BUD13: variants seen among roughly 807,000 people sequenced by gnomAD.
The protein encoded by BUD13 is BUD13 spliceosome associated protein, also known as BUD13 homolog.
A neutral mutation model predicts 62.5 loss-of-function variants in BUD13; 47 were observed. The observed-to-expected ratio is 0.75, with a 90% CI of 0.60 to 0.96. BUD13 has a LOEUF of 0.96. Among genes scored for constraint, BUD13 ranks in the 40% least tolerant of loss-of-function variants. BUD13 has a pLI of 0.00. For missense variants in BUD13, 821 were observed against 790.9 expected (o/e 1.04, Z -0.46); for synonymous variants, 293 against 280.1 (o/e 1.05, Z -0.46).
At chr11:116,757,429 G>A (rs527504782) in intron 8 of BUD13, among the ~76,000 whole-genome samples, 22 of 151,816 alleles carry the variant, frequency 1.4e-4, no homozygotes, top group East Asian at 1.2e-3. Flanking sequence ...CCAACTAGCC[G>A]GGATTACAGG....
intron 3 of BUD13, among the ~76,000 whole-genome samples, chr11:116,763,946 CACA>C (rs1940484407): frequency 6.6e-6 from 1 of 152,180 alleles, no homozygotes; most frequent in Non-Finnish European, 1.5e-5. Context: ...ATTCAATTCT[CACA>C]ACAAGCCTAG....
intron 2 of BUD13, 72 bp from the exon 3 acceptor site, chr11:116,765,518 GAAGTTAC>G (rs1483981989): frequency 7.1e-6 from 11 of 1,539,086 alleles, no homozygotes; most frequent in African/African-American, 1.4e-5. Flanking sequence ...TCAAGAACCT[GAAGTTAC>G]AACCATTCCG....
At chr11:116,752,088 C>T (rs779837455) in intron 9 of BUD13, among the ~76,000 whole-genome samples, 10 of 152,132 alleles carry the variant, frequency 6.6e-5, no homozygotes, top group Admixed American at 4.6e-4. Context: ...GGACTACAGG[C>T]GCCCGCCACC....
rs1386273879 is a variant in BUD13, at chr11:116,748,667, G to T, written c.1767-92C>A. The T allele has an allele frequency of 1.2e-5, 16 of 1,285,162 alleles. 1 individual carries two copies. In the South Asian group the frequency reaches 1.7e-4, roughly 14 times the overall value. 79.6% of individuals were successfully genotyped at this position (1,285,162 alleles called of 1,614,324 possible). A position where few individuals can be genotyped will look rare whatever the true frequency, so the allele number is the denominator to read the frequency against. ...GAAGAGTTCACAATATAATGAAAAG[G>T]GGGGAAAGTAAGGAGTCATATGAAA... On this transcript the variant is annotated intron_variant, in intron 9 of 9. Coordinates refer to ENST00000260210, the MANE Select transcript of BUD13 (RefSeq NM_032725.4).
chr11:116,763,032 T>A lies in BUD13; in HGVS notation c.557A>T (p.Asp186Val). Reference sequence around the variant, plus strand: ...ACGGGCCCTCCTTGGGGGTGAAGTGTCTGAGGAGTCATGACGGATCCTCCT... The same window carrying A: ...ACGGGCCCTCCTTGGGGGTGAAGTGACTGAGGAGTCATGACGGATCCTCCT... ...PPRRIRHDSS[D>V]TSPPRRARHD... Residue 186 changes from aspartate to valine, a missense_variant, in exon 4 of 10, where the codon GAC (aspartate) becomes GTC (valine). This residue lies in a region of BUD13 where 800 missense variants were observed against 739.2 expected (regional missense o/e 1.08). Coordinates refer to ENST00000260210, the MANE Select transcript of BUD13 (RefSeq NM_032725.4). The A allele has an allele frequency of 6.2e-7, 1 of 1,612,180 alleles. No individual in the cohort carries two copies.
chr11:116,761,411 A>G (rs1940430396), intron 4 of BUD13, among the ~76,000 whole-genome samples: 2 of 102,572 alleles, frequency 1.9e-5, no homozygotes, highest in Non-Finnish European at 4.8e-5. Context: ...CTAATGTACA[A>G]TATTTATTTA....
At chr11:116,770,833 G>A (rs1940614861) in intron 1 of BUD13, among the ~76,000 whole-genome samples, 1 of 151,836 alleles carries the variant, frequency 6.6e-6, no homozygotes, top group African/African-American at 2.4e-5. Context: ...TCACACTGCT[G>A]CCCAGGCTGG....
At position 116,760,958 on chromosome 11, in the gene BUD13, T is replaced by C. The variant is rs368705815; in HGVS notation, c.1037-6A>G. On this transcript the variant is annotated splice_region_variant and splice_polypyrimidine_tract_variant and intron_variant, in intron 4 of 9. Coordinates refer to ENST00000260210, the MANE Select transcript of BUD13 (RefSeq NM_032725.4). ...AGTTGCTTTCTGGCAGTCACCTGGATAGGAGCAAAGAATCTGTGTGACTCT... is the reference window on the plus strand; with the variant it reads ...AGTTGCTTTCTGGCAGTCACCTGGACAGGAGCAAAGAATCTGTGTGACTCT... The C allele has an allele frequency of 1.1e-4, 176 of 1,613,258 alleles. No homozygotes were observed. The Middle Eastern group carries it at 1.2e-3, about 11-fold the overall frequency.
intron 8 of BUD13, 26 bp downstream of exon 8, chr11:116,757,740 C>A: frequency 6.3e-7 from 1 of 1,597,554 alleles, no homozygotes; most frequent in East Asian, 2.2e-5. Flanking sequence ...AAGTCACCTC[C>A]AGCTGATGAT....
chr11:116,757,120 A>G (rs1379931139), intron 9 of BUD13, 26 bp downstream of exon 9: 5 of 1,607,532 alleles, frequency 3.1e-6, no homozygotes, highest in African/African-American at 2.7e-5. Flanking sequence ...AGTCAGGTAG[A>G]AAATGTAAGA....
intron 9 of BUD13, among the ~76,000 whole-genome samples, chr11:116,753,320 A>G (rs1462094933): frequency 6.6e-6 from 1 of 152,080 alleles, no homozygotes; most frequent in Non-Finnish European, 1.5e-5. Context: ...CTACATACAA[A>G]CCCTAGTCAA....
At chr11:116,756,838 A>G (rs748000715) in intron 9 of BUD13, among the ~76,000 whole-genome samples, 4 of 152,220 alleles carry the variant, frequency 2.6e-5, no homozygotes, top group Non-Finnish European at 5.9e-5. Context: ...ACTACAACTC[A>G]TCACTCAACC....
intron 5 of BUD13, among the ~76,000 whole-genome samples, chr11:116,760,457 A>T (rs1820775599): frequency 6.6e-6 from 1 of 152,224 alleles, no homozygotes; most frequent in Admixed American, 6.5e-5. Context: ...TTCCTAAGAA[A>T]ATAGGAAGTT....
rs1555046551 is a variant in BUD13 at position 116,759,031 on chromosome 11, A to AC, written c.1360+42dup. The AC allele has an allele frequency of 7.7e-4, 1,088 of 1,410,426 alleles. No individual in the cohort carries two copies. In the East Asian group the frequency reaches 8.8e-3, roughly 11 times the overall value. 87.4% of individuals were successfully genotyped at this position (1,410,426 alleles called of 1,614,324 possible). A position where few individuals can be genotyped will look rare whatever the true frequency, so the allele number is the denominator to read the frequency against. On this transcript the variant is annotated intron_variant, in intron 6 of 9. Coordinates refer to ENST00000260210, the MANE Select transcript of BUD13 (RefSeq NM_032725.4). ...AATAAGCTAAATTAAAAAAAAAAAA[A>AC]CAGTATGAGCCTAAATTGGTCTCTG...
At chr11:116,757,003 T>G in intron 9 of BUD13, 143 bp downstream of exon 9, 1 of 700,344 alleles carries the variant, frequency 1.4e-6, no homozygotes, top group East Asian at 2.8e-5. Context: ...ATAGGATTTG[T>G]GGACCTCAGA....
intron 2 of BUD13, among the ~76,000 whole-genome samples, chr11:116,769,281 G>A (rs1287415751): frequency 1.3e-5 from 2 of 152,058 alleles, no homozygotes; most frequent in Admixed American, 6.5e-5. Flanking sequence ...CTACCTCCCC[G>A]GGCTCTAATG....
rs761575761 is a variant in BUD13, at chr11:116,760,972, CTG to C, written c.1037-22_1037-21del. ...AGTCACCTGGATAGGAGCAAAGAAT[CTG>C]TGTGACTCTGATGTCCTCTAGGTGA... On this transcript the variant is annotated intron_variant, in intron 4 of 9. Coordinates refer to ENST00000260210, the MANE Select transcript of BUD13 (RefSeq NM_032725.4). 15 of 1,603,920 alleles carry C rather than the reference CTG, an allele frequency of 9.4e-6. No individual in the cohort carries two copies. The highest frequency in any genetic ancestry group is 1.7e-5 in the Admixed American group (1 of 59,934).
Position 116,760,914 on chromosome 11 carries a change from G to A in BUD13, c.1075C>T (p.Pro359Ser). ...TGCCCTGGACTTTGTTTATGCCGTG[G>A]AGAAGAAAGGTCTGAATCAGTTGCT... ...QKATDSDLSS[P>S]RHKQSPGHQD... is the part of the protein sequence containing the mutation. The change falls in exon 5 of 10, where the codon CCA becomes TCA. Residue 359 changes from proline (P) to serine (S), a missense_variant. Physicochemically the swap from Pro to Ser is moderately conservative, Grantham distance 74. Coordinates refer to ENST00000260210, the MANE Select transcript of BUD13 (RefSeq NM_032725.4). 1 of 1,614,102 alleles carries A rather than the reference G, an allele frequency of 6.2e-7. No homozygotes were observed. The highest frequency in any genetic ancestry group is 8.5e-7 in the Non-Finnish European group (1 of 1,180,010).
At chr11:116,772,687 C>T (rs1940652253) in intron 1 of BUD13, 135 bp downstream of exon 1, 1 of 1,245,486 alleles carries the variant, frequency 8.0e-7, no homozygotes, top group Admixed American at 3.4e-5. Flanking sequence ...GTGAGTGGGG[C>T]CCTGAGCATG....
Sources: allele counts gnomAD v4.1 joint callset (sites outside exome capture counted in the v4.1 genomes callset), GRCh38; gene constraint gnomAD v4.1.1; regional missense constraint gnomAD v4.1.1; transcripts MANE v1.5; gene names NCBI Gene and HGNC (gene_info 2026-07-23, HGNC 2026-07-21).